The following FGD3 variants were observed in gnomAD, a reference collection of about 807,000 sequenced individuals.
FGD3 encodes the protein FYVE, RhoGEF and PH domain containing 3.
FGD3 carries 45 observed loss-of-function variants against 71.8 expected under a neutral mutation model. That is an observed-to-expected ratio of 0.63 (90% CI 0.49 to 0.80). The LOEUF is 0.80. FGD3 is among the 30% of genes least tolerant of loss of function. The probability of loss-of-function intolerance (pLI) is 0.00; values close to 1 mark genes in which losing one functional copy is unlikely to be tolerated. For synonymous variants in FGD3, 378 were observed against 392.8 expected (o/e 0.96, Z 0.44); for missense variants, 844 against 951.5 (o/e 0.89, Z 1.49).
At chr9:93,029,022 T>TTG (rs1862251733) in intron 14 of FGD3, among the ~76,000 whole-genome samples, 1 of 131,536 alleles carries the variant, frequency 7.6e-6, no homozygotes, top group African/African-American at 2.8e-5. Context: ...TTTTTTTTTT[T>TTG]TTTTTTTTTT....
At chr9:92,988,696 A>G (rs1206173172) in intron 3 of FGD3, among the ~76,000 whole-genome samples, 2 of 152,212 alleles carry the variant, frequency 1.3e-5, no homozygotes, top group African/African-American at 2.4e-5. Flanking sequence ...CCATAAACAC[A>G]TATTTACCAT....
At chr9:93,028,005 C>T (rs1862186484) in intron 14 of FGD3, among the ~76,000 whole-genome samples, 1 of 152,066 alleles carries the variant, frequency 6.6e-6, no homozygotes. Flanking sequence ...ATGTGCGAGC[C>T]ACTGCGCCTG....
In FGD3 at chr9:93,034,559, C is replaced by A. The variant is rs1331324181; in HGVS notation, c.1804C>A (p.Pro602Thr). The change falls in exon 17 of 18, where the codon CCC becomes ACC. Residue 602 changes from proline (P) to threonine (T), a missense_variant. By Grantham distance (38) the Pro-to-Thr change is conservative (BLOSUM62 -1). Coordinates refer to ENST00000375482, the MANE Select transcript of FGD3 (RefSeq NM_001083536.2). Reference protein sequence around the residue: ...ESTEKTPTADPQPSLLCGPLR... With the variant: ...ESTEKTPTADTQPSLLCGPLR... ...TCCCCAGAAGACACCCACTGCAGAC[C>A]CCCAGCCCAGCCTGCTCTGCGGCCC... 3 of 1,612,330 alleles carry A rather than the reference C, an allele frequency of 1.9e-6. No homozygotes were observed. Among genetic ancestry groups the A allele is most frequent in the Non-Finnish European group, 1.7e-6 (2 of 1,179,234 alleles).
intron 12 of FGD3, 47 bp from the exon 13 acceptor site, chr9:93,020,270 C>T (rs765150844): frequency 1.3e-6 from 2 of 1,540,428 alleles, no homozygotes; most frequent in East Asian, 2.3e-5. Context: ...TGGGTAGCAT[C>T]CTCCCATGCC....
rs367872593 is a variant in FGD3 at position 93,004,521 on chromosome 9, A to C, written c.680+384A>C. The stretch of plus-strand genomic sequence containing the variant: ...AAAAATGCTGTTTTTCCCTCTCAAC[A>C]GTGGACCTCAGATCCTCCTCCTGCT... On this transcript the variant is annotated intron_variant, in intron 5 of 17. Transcript: ENST00000375482. Among the ~76,000 whole-genome samples, 68 of 152,238 alleles carry C rather than the reference A, an allele frequency of 4.5e-4. No homozygotes were observed. The East Asian group carries it at 9.1e-3, about 20-fold the overall frequency.
At chr9:92,997,450 A>T (rs1180943404) in intron 3 of FGD3, among the ~76,000 whole-genome samples, 1 of 152,178 alleles carries the variant, frequency 6.6e-6, no homozygotes, top group Admixed American at 6.5e-5. Flanking sequence ...GTGTCTTTTA[A>T]TTGGAGCATT....
chr9:93,022,887 T>C (rs1288259554), intron 14 of FGD3, among the ~76,000 whole-genome samples: 1 of 152,140 alleles, frequency 6.6e-6, no homozygotes, highest in Admixed American at 6.5e-5. Context: ...TGTGTTCTCG[T>C]GTGCCTTATG....
rs55957138 is a variant in FGD3 at position 93,035,352 on chromosome 9, C to T, written c.1941C>T (p.Pro647=). 53 of 1,609,874 alleles carry T rather than the reference C, an allele frequency of 3.3e-5. No homozygotes were observed. The highest frequency in any genetic ancestry group is 1.8e-4 in the Admixed American group (11 of 59,780). Residue 647 remains proline (P), a synonymous_variant, in exon 18 of 18, where the codon CCC becomes CCT. Transcript: ENST00000375482. ...CTCTGCTGCAGGACGGCCGGCTGCC[C>T]CGCACCATCCCTCTCCCCAGCTGCA... ...LQGGSQDGRL[P]RTIPLPSCKL...
At position 93,003,050 on chromosome 9, in the gene FGD3, C is replaced by T. The variant is rs1175643825; in HGVS notation, c.543+36C>T. On this transcript the variant is annotated intron_variant, in intron 4 of 17. Coordinates refer to ENST00000375482, the MANE Select transcript of FGD3 (RefSeq NM_001083536.2). This position sits in a 1 kb window ranked among gnomAD's most constrained non-coding sequence, Gnocchi z 4.1. ...TGGCTTGGGGGCAGTTTCAGTATCT[C>T]TTAGCATTGGCTGGGCATTATAGGT... 4 of 1,585,130 alleles carry T rather than the reference C, an allele frequency of 2.5e-6. No individual in the cohort carries two copies. Among genetic ancestry groups the T allele is most frequent in the Non-Finnish European group, 3.5e-6 (4 of 1,153,786 alleles).
At chr9:92,952,395 C>T (rs975772817) in intron 1 of FGD3, among the ~76,000 whole-genome samples, 10 of 152,204 alleles carry the variant, frequency 6.6e-5, no homozygotes, top group African/African-American at 2.2e-4. Flanking sequence ...CGCCACCACG[C>T]CCGGCTAATT....
intron 6 of FGD3, among the ~76,000 whole-genome samples, chr9:93,007,077 T>G (rs957076038): frequency 1.3e-5 from 2 of 149,944 alleles, no homozygotes; most frequent in Non-Finnish European, 3.0e-5. Context: ...TTTTATTTTT[T>G]ATTTTTATTC....
rs1862506270 is a variant in FGD3, at chr9:93,034,453, A to G, written c.1786-88A>G. On this transcript the variant is annotated intron_variant, in intron 16 of 17. Transcript: ENST00000375482. ...TCTCCACAGCCAGCTCCCCCCAAGC[A>G]GTGGCCCTGGCCCTACCCCAGCCTC... 9.6e-6 allele frequency: 14 copies of G among 1,462,340 alleles called. No individual in the cohort carries two copies. In the South Asian group the frequency reaches 2.0e-4, roughly 21 times the overall value. The allele number at this position is 1,462,340 out of a possible 1,614,324, so 90.6% of individuals were successfully genotyped here.
chr9:93,002,921 G>A lies in FGD3; in HGVS notation c.454-4G>A, dbSNP rs780969175. On this transcript the variant is annotated splice_polypyrimidine_tract_variant and splice_region_variant and intron_variant, in intron 3 of 17. Coordinates refer to ENST00000375482, the MANE Select transcript of FGD3 (RefSeq NM_001083536.2). ...CAGGTGAGCTGCATCTCTTCTCTCCGCAGCACTCTGGCCCCCAGAAGCTTC... is the reference window on the plus strand; with the variant it reads ...CAGGTGAGCTGCATCTCTTCTCTCCACAGCACTCTGGCCCCCAGAAGCTTC... 5.9e-5 allele frequency: 95 copies of A among 1,613,400 alleles called. No individual in the cohort carries two copies. Among genetic ancestry groups the A allele is most frequent in the Non-Finnish European group, 6.5e-5 (77 of 1,179,934 alleles).
rs184951259 is a variant in FGD3, at chr9:92,961,018, C to T, written c.-218+13289C>T. Among the ~76,000 whole-genome samples, 26 of 152,238 alleles carry T rather than the reference C, an allele frequency of 1.7e-4. No homozygotes were observed. In the East Asian group the frequency reaches 4.3e-3, roughly 25 times the overall value. ...GGGGTGCTCCCCCTGGGCCTCTCTC[C>T]TGGTGGGCGGGCACTCCCCCTGGCT... On this transcript the variant is annotated intron_variant, in intron 1 of 17. Coordinates refer to ENST00000375482, the MANE Select transcript of FGD3 (RefSeq NM_001083536.2).
At chr9:92,987,677 C>T (rs1014764533) in intron 3 of FGD3, among the ~76,000 whole-genome samples, 3 of 152,114 alleles carry the variant, frequency 2.0e-5, no homozygotes, top group Non-Finnish European at 2.9e-5. Context: ...TACATCCCTT[C>T]GCCCCTGATT....
At position 93,009,833 on chromosome 9, in the gene FGD3, G is replaced by A. The variant is rs918467609; in HGVS notation, c.838-413G>A. On this transcript the variant is annotated intron_variant, in intron 6 of 17. Coordinates refer to ENST00000375482, the MANE Select transcript of FGD3 (RefSeq NM_001083536.2). ...TAGGCATAAGGACAAGCCCTGGCCC[G>A]ATACCCAGTGGGGATGGTTGGGCGA... 5.9e-5 allele frequency among the ~76,000 whole-genome samples: 9 copies of A among 152,230 alleles called. No homozygotes were observed. In the East Asian group the frequency reaches 7.7e-4, roughly 13 times the overall value.
At chr9:93,020,815 C>G (rs941013669) in intron 13 of FGD3, among the ~76,000 whole-genome samples, 2 of 152,204 alleles carry the variant, frequency 1.3e-5, no homozygotes, top group Admixed American at 6.5e-5. Flanking sequence ...AGTCGGCCAC[C>G]TTTCCATGGC....
At chr9:92,948,041 A>G (rs945424614) in intron 1 of FGD3, among the ~76,000 whole-genome samples, 2 of 152,070 alleles carry the variant, frequency 1.3e-5, no homozygotes, top group African/African-American at 4.8e-5. Flanking sequence ...ATACCTACTG[A>G]ATGATTAAGT....
chr9:92,992,516 T>C (rs1420781282), intron 3 of FGD3, among the ~76,000 whole-genome samples: 1 of 152,194 alleles, frequency 6.6e-6, no homozygotes, highest in Non-Finnish European at 1.5e-5. Context: ...GCTCCTGGGT[T>C]GGAGTGGCAG....
Sources: gnomAD v4.1 joint callset for allele counts (sites outside exome capture counted in the v4.1 genomes callset) on GRCh38, gnomAD v4.1.1 for gene constraint, Gnocchi (gnomAD v3.1) non-coding constraint, MANE v1.5 for transcripts, NCBI Gene and HGNC (gene_info 2026-07-23, HGNC 2026-07-21) for gene names.